Variants in WASF2 observed in about 807,000 individuals in gnomAD.
The protein encoded by WASF2 is WASP family member 2.
A neutral mutation model predicts 45.0 loss-of-function variants in WASF2; 14 were observed. The observed-to-expected ratio is 0.31, with a 90% CI of 0.21 to 0.49. WASF2 has a LOEUF of 0.49. Ranked by LOEUF, WASF2 falls within the 20% of genes least tolerant of loss-of-function variation. The pLI, the probability that WASF2 is intolerant of heterozygous loss-of-function variation, is 0.99. For missense variants in WASF2, 439 were observed against 636.1 expected (o/e 0.69, Z 3.33); for synonymous variants, 200 against 236.3 (o/e 0.85, Z 1.41).
At chr1:27,454,179 A>ATTT (rs2017431697) in intron 1 of WASF2, among the ~76,000 whole-genome samples, 10 of 10,290 alleles carry the variant, frequency 9.7e-4, no homozygotes, top group African/African-American at 1.9e-3. Flanking sequence ...ATATATATAT[A>ATTT]TATATATATT....
intron 1 of WASF2, among the ~76,000 whole-genome samples, chr1:27,461,431 C>G (rs2017542081): frequency 6.6e-6 from 1 of 151,184 alleles, no homozygotes; most frequent in South Asian, 2.1e-4. Context: ...CCTTGACCTC[C>G]CAGGCTCAGG....
At chr1:27,442,003 G>A (rs1236207077) in intron 1 of WASF2, among the ~76,000 whole-genome samples, 1 of 151,330 alleles carries the variant, frequency 6.6e-6, no homozygotes, top group African/African-American at 2.4e-5. Context: ...CTACTCAGGA[G>A]GCTGAGGCAA....
At chr1:27,456,118 C>A (rs1387767746) in intron 1 of WASF2, among the ~76,000 whole-genome samples, 1 of 151,902 alleles carries the variant, frequency 6.6e-6, no homozygotes, top group Non-Finnish European at 1.5e-5. Flanking sequence ...GTCAGAAGAT[C>A]GAGACCATCC....
At chr1:27,457,452 C>T (rs1385666996) in intron 1 of WASF2, 2 of 152,050 alleles carry the variant, frequency 1.3e-5, no homozygotes, top group Non-Finnish European at 2.9e-5. Flanking sequence ...TGGCTGACGC[C>T]TGTAGTCCCA....
intron 1 of WASF2, among the ~76,000 whole-genome samples, chr1:27,485,494 A>C (rs1236425109): frequency 6.6e-6 from 1 of 152,182 alleles, no homozygotes; most frequent in Non-Finnish European, 1.5e-5. Flanking sequence ...GGAGGGTGTC[A>C]TTCTAAAATT....
chr1:27,447,058 A>G (rs1423567738), intron 1 of WASF2, among the ~76,000 whole-genome samples: 1 of 152,186 alleles, frequency 6.6e-6, no homozygotes, highest in Non-Finnish European at 1.5e-5. Flanking sequence ...TTGACACAGT[A>G]TATACACTGA....
intron 8 of WASF2, among the ~76,000 whole-genome samples, chr1:27,409,428 CAAAAAAA>C (rs60940665): frequency 1.4e-3 from 62 of 43,694 alleles, no homozygotes; most frequent in African/African-American, 2.3e-3. Context: ...CTGTCCCCCA[CAAAAAAA>C]AAAAAAAAAA....
chr1:27,419,855 C>T (rs1480914202), intron 2 of WASF2, among the ~76,000 whole-genome samples: 1 of 152,128 alleles, frequency 6.6e-6, no homozygotes, highest in Non-Finnish European at 1.5e-5. Flanking sequence ...CAGAGATATA[C>T]AACTTCTTTT....
At chr1:27,464,990 G>A (rs923122933) in intron 1 of WASF2, among the ~76,000 whole-genome samples, 1 of 152,226 alleles carries the variant, frequency 6.6e-6, no homozygotes, top group Non-Finnish European at 1.5e-5. Flanking sequence ...GCCTCCCAAA[G>A]TGCTGGGATT....
chr1:27,487,883 G>T lies in WASF2; in HGVS notation c.-44+2103C>A, dbSNP rs539879389. 8.7e-5 allele frequency among the ~76,000 whole-genome samples: 13 copies of T among 148,908 alleles called. No homozygotes were observed. In the East Asian group the frequency reaches 2.5e-3, roughly 29 times the overall value. ...TTGTAAATAATTTACTCAATAAAAT[G>T]CTCTGATTTTTAAACAACTATTCTC... is the stretch of plus-strand genomic sequence containing the variant. On this transcript the variant is annotated intron_variant, in intron 1 of 8. Transcript: ENST00000618852.
At chr1:27,453,487 G>A (rs2017412941) in intron 1 of WASF2, among the ~76,000 whole-genome samples, 1 of 151,614 alleles carries the variant, frequency 6.6e-6, no homozygotes, top group Non-Finnish European at 1.5e-5. Flanking sequence ...AGCTACTCAG[G>A]AGGCTGAAGC....
At chr1:27,409,268 CA>C (rs1174321617) in intron 8 of WASF2, among the ~76,000 whole-genome samples, 2 of 150,998 alleles carry the variant, frequency 1.3e-5, no homozygotes, top group African/African-American at 4.9e-5. Context: ...ACTAAAAATA[CA>C]AAAAAATTAG....
chr1:27,468,984 G>C (rs71638526), intron 1 of WASF2, among the ~76,000 whole-genome samples: 9,141 of 151,400 alleles, frequency 0.06, 411 homozygotes, highest in Non-Finnish European at 0.095. Context: ...TATCAACCTT[G>C]TCTGAAACCT....
intron 1 of WASF2, among the ~76,000 whole-genome samples, chr1:27,476,250 T>C (rs188953454): frequency 7.1e-4 from 108 of 152,344 alleles, no homozygotes; most frequent in Middle Eastern, 3.4e-3. Flanking sequence ...TATCTGAGAC[T>C]GGGTAATTTA....
rs966299476 is a variant in WASF2, at chr1:27,454,602, G to A, written c.-43-25669C>T. ...ATCCTCCCGCCTTGGCCTCCCAAAA[G>A]GCTGGGATTACAGGCATGAACTACT... is the stretch of plus-strand genomic sequence containing the variant. On this transcript the variant is annotated intron_variant, in intron 1 of 8. Coordinates refer to ENST00000618852, the MANE Select transcript of WASF2 (RefSeq NM_006990.5). 3.9e-5 allele frequency among the ~76,000 whole-genome samples: 6 copies of A among 151,978 alleles called. No homozygotes were observed. In the East Asian group the frequency reaches 1.2e-3, roughly 29 times the overall value.
Position 27,426,284 on chromosome 1 carries a change from C to T in WASF2, c.130+2477G>A, listed in dbSNP as rs1232453669. On this transcript the variant is annotated intron_variant, in intron 2 of 8. Coordinates refer to ENST00000618852, the MANE Select transcript of WASF2 (RefSeq NM_006990.5). Reference sequence around the variant, plus strand: ...TAAAAAGTGAGATTTGATTTTTAGGCAGATCACTCTGGCAGGGATATAGGA... The same window carrying T: ...TAAAAAGTGAGATTTGATTTTTAGGTAGATCACTCTGGCAGGGATATAGGA... 2.0e-5 allele frequency among the ~76,000 whole-genome samples: 3 copies of T among 152,126 alleles called. No homozygotes were observed. In the East Asian group the frequency reaches 5.8e-4, roughly 29 times the overall value.
At chr1:27,441,473 G>A (rs1017611846) in intron 1 of WASF2, among the ~76,000 whole-genome samples, 2 of 151,680 alleles carry the variant, frequency 1.3e-5, no homozygotes, top group Non-Finnish European at 2.9e-5. Context: ...ACTAAAAATG[G>A]CCGGGCGCGG....
At chr1:27,409,198 G>A (rs1010284646) in intron 8 of WASF2, among the ~76,000 whole-genome samples, 1 of 151,992 alleles carries the variant, frequency 6.6e-6, no homozygotes, top group African/African-American at 2.4e-5. Flanking sequence ...GCCGAGGCGG[G>A]CGGATCACAA....
chr1:27,448,964 C>A (rs2017346022), intron 1 of WASF2, among the ~76,000 whole-genome samples: 1 of 151,994 alleles, frequency 6.6e-6, no homozygotes, highest in Non-Finnish European at 1.5e-5. Flanking sequence ...TCCCATCACA[C>A]CCCACTGTAC....
Sources: gnomAD v4.1 joint callset for allele counts (sites outside exome capture counted in the v4.1 genomes callset) on GRCh38, gnomAD v4.1.1 for gene constraint, MANE v1.5 for transcripts, NCBI Gene and HGNC (gene_info 2026-07-23, HGNC 2026-07-21) for gene names.